The following RIN2 variants were observed in gnomAD, a reference collection of about 807,000 sequenced individuals.
The protein encoded by RIN2 is Ras and Rab interactor 2, also known as RAB5 interacting protein 2.
A neutral mutation model predicts 78.0 loss-of-function variants in RIN2; 36 were observed. The observed-to-expected ratio is 0.46, with a 90% confidence interval of 0.35 to 0.61. The LOEUF is 0.61. Among genes scored for constraint, RIN2 ranks in the 20% least tolerant of loss-of-function variants. The pLI, the probability that RIN2 is intolerant of heterozygous loss-of-function variation, is 0.00. For missense variants in RIN2, 1,087 were observed against 1,159.7 expected, an observed-to-expected ratio of 0.94 and a Z score of 0.91; for synonymous variants, 466 against 466.8, an observed-to-expected ratio of 1.00 and a Z score of 0.02.
At chr20:19,917,647 G>A (rs2039740835) in intron 3 of RIN2, among the ~76,000 whole-genome samples, 1 of 152,164 alleles carries the variant, frequency 6.6e-6, no homozygotes, top group Non-Finnish European at 1.5e-5. Flanking sequence ...TATTACTTAA[G>A]TGAGCTCAGA....
chr20:19,963,889 A>T (rs2041850008), intron 6 of RIN2, among the ~76,000 whole-genome samples: 2 of 115,990 alleles, frequency 1.7e-5, no homozygotes, highest in South Asian at 3.1e-4. Flanking sequence ...TTTGAGACAG[A>T]GTCTTTCTCT....
At chr20:19,969,272 C>G (rs1187296472) in intron 7 of RIN2, among the ~76,000 whole-genome samples, 1 of 152,192 alleles carries the variant, frequency 6.6e-6, no homozygotes, top group African/African-American at 2.4e-5. Flanking sequence ...CTCAGCACGT[C>G]TCATGATGAC....
At chr20:19,863,995 A>T (rs543876471) in intron 2 of RIN2, among the ~76,000 whole-genome samples, 67 of 151,614 alleles carry the variant, frequency 4.4e-4, no homozygotes, top group Non-Finnish European at 6.8e-4. Flanking sequence ...AGAAGGCAAG[A>T]ATTGGTTCTC....
chr20:19,772,690 A>T (rs1444723388), intron 1 of RIN2, among the ~76,000 whole-genome samples: 2 of 152,212 alleles, frequency 1.3e-5, no homozygotes, highest in African/African-American at 4.8e-5. Flanking sequence ...TGGCTGCCTC[A>T]TCTCAGAACC....
At chr20:19,864,794 A>C (rs1460195722) in intron 2 of RIN2, among the ~76,000 whole-genome samples, 1 of 152,180 alleles carries the variant, frequency 6.6e-6, no homozygotes, top group African/African-American at 2.4e-5. Context: ...CCATCCTCAA[A>C]GGGCCGTCAA....
chr20:19,886,492 C>T (rs1036651010), intron 2 of RIN2: 16 of 540,348 alleles, frequency 3.0e-5, no homozygotes, highest in Admixed American at 1.0e-4. Context: ...CCATTAGCGC[C>T]GACCAACGCG....
At chr20:19,962,175 C>T (rs1372006232) in intron 6 of RIN2, among the ~76,000 whole-genome samples, 1 of 151,494 alleles carries the variant, frequency 6.6e-6, no homozygotes, top group Non-Finnish European at 1.5e-5. Flanking sequence ...CATGATGACA[C>T]ACGCCTGTAG....
chr20:19,794,691 A>G (rs2034997919), intron 1 of RIN2, among the ~76,000 whole-genome samples: 1 of 151,854 alleles, frequency 6.6e-6, no homozygotes, highest in African/African-American at 2.4e-5. Context: ...AATTAAATCT[A>G]GTTGTATTTC....
chr20:19,972,632 T>C (rs6515051), intron 8 of RIN2, among the ~76,000 whole-genome samples: 32,503 of 152,178 alleles, frequency 0.21, 3,850 homozygotes, highest in African/African-American at 0.33. Flanking sequence ...GACCAAGGAC[T>C]CAAGGGTTAA....
intron 5 of RIN2, among the ~76,000 whole-genome samples, chr20:19,957,814 T>A (rs2041602744): frequency 6.6e-6 from 1 of 152,236 alleles, no homozygotes; most frequent in Non-Finnish European, 1.5e-5. Flanking sequence ...TAGCCACATT[T>A]TAAGTGCTCT....
chr20:19,832,075 G>A (rs1375473440), intron 2 of RIN2, among the ~76,000 whole-genome samples: 1 of 151,998 alleles, frequency 6.6e-6, no homozygotes, highest in Non-Finnish European at 1.5e-5. Flanking sequence ...ACACTGTGTG[G>A]TGGTGAGAAT....
At chr20:19,853,354 T>TGTCTTTATAGCAGCATGA (rs1209793361) in intron 2 of RIN2, among the ~76,000 whole-genome samples, 2 of 152,146 alleles carry the variant, frequency 1.3e-5, no homozygotes, top group African/African-American at 4.8e-5. Context: ...CGTGTGCATG[T>TGTCTTTATAGCAGCATGA]GTCTTTATAG....
intron 2 of RIN2, among the ~76,000 whole-genome samples, chr20:19,860,890 C>G (rs2037313746): frequency 1.3e-5 from 2 of 152,160 alleles, no homozygotes; most frequent in Non-Finnish European, 1.5e-5. Flanking sequence ...AAGAAAAAAG[C>G]CATAAAAGAG....
At chr20:19,781,925 T>C (rs575313674) in intron 1 of RIN2, among the ~76,000 whole-genome samples, 1 of 152,296 alleles carries the variant, frequency 6.6e-6, no homozygotes, top group South Asian at 2.1e-4. Flanking sequence ...TTGATGACCA[T>C]GCATCGTCAA....
chr20:19,855,181 A>G (rs924236802), intron 2 of RIN2, among the ~76,000 whole-genome samples: 4 of 152,024 alleles, frequency 2.6e-5, no homozygotes, highest in South Asian at 2.1e-4. Flanking sequence ...GCTGAATTAC[A>G]TTTATTGATT....
rs190890605 is a variant in RIN2, at chr20:19,769,966, A to G, written c.-163+11639A>G. ...CAACCCCAAGAGCAAAAGAAAATGA[A>G]CAGCAGAAAAGGAAAAGCGAATATT... On this transcript the variant is annotated intron_variant, in intron 1 of 12. Transcript: ENST00000255006. 7.2e-5 allele frequency among the ~76,000 whole-genome samples: 11 copies of G among 152,372 alleles called. No individual in the cohort carries two copies. In the East Asian group the frequency reaches 1.5e-3, roughly 21 times the overall value.
At chr20:19,984,872 C>G (rs181716195) in intron 9 of RIN2, among the ~76,000 whole-genome samples, 1 of 152,336 alleles carries the variant, frequency 6.6e-6, no homozygotes, top group Admixed American at 6.5e-5. Flanking sequence ...GGTTTAGACT[C>G]TGGGTGTGGT....
At chr20:19,889,490 T>C in intron 2 of RIN2, 76 bp from the exon 3 acceptor site, 1 of 1,364,066 alleles carries the variant, frequency 7.3e-7, no homozygotes. Flanking sequence ...GCAGGACTGT[T>C]GTTGTGAGTG....
Position 19,975,574 on chromosome 20 carries a change from A to G in RIN2, c.1549A>G (p.Arg517Gly), listed in dbSNP as rs1156926608. 8.1e-6 allele frequency: 13 copies of G among 1,613,908 alleles called. No individual in the cohort carries two copies. Among genetic ancestry groups the G allele is most frequent in the Non-Finnish European group, 9.3e-6 (11 of 1,179,914 alleles). ...GACCCCGGAGAAGCGGATGGTCCGCAGGATCGCCGAGCTTTCCCGGGACAA... is the reference window on the plus strand; with the variant it reads ...GACCCCGGAGAAGCGGATGGTCCGCGGGATCGCCGAGCTTTCCCGGGACAA... Reference protein sequence around the residue: ...FMTPEKRMVRRIAELSRDKCT... With the variant: ...FMTPEKRMVRGIAELSRDKCT... Residue 517 changes from arginine (R) to glycine (G), a missense_variant, in exon 9 of 13, where the codon AGG (arginine) becomes GGG (glycine). This residue lies in a region of RIN2 where 34 missense variants were observed against 46.1 expected (regional missense o/e 0.74). Coordinates refer to ENST00000255006, the MANE Select transcript of RIN2 (RefSeq NM_018993.4). The surrounding 1 kb of genome is among the most constrained non-coding windows in gnomAD (Gnocchi z 4.9).
Sources: gnomAD v4.1 joint callset for allele counts (sites outside exome capture counted in the v4.1 genomes callset) on GRCh38, gnomAD v4.1.1 for gene constraint, gnomAD v4.1.1 regional missense constraint, Gnocchi (gnomAD v3.1) non-coding constraint, MANE v1.5 for transcripts, NCBI Gene and HGNC (gene_info 2026-07-23, HGNC 2026-07-21) for gene names.